Variants in ARIH1 observed in about 807,000 individuals in gnomAD.
ARIH1 encodes the protein ariadne RBR E3 ubiquitin protein ligase 1.
ARIH1 carries 8 observed loss-of-function variants against 85.0 expected under a neutral mutation model. The ratio of observed to expected loss-of-function variants is 0.09; its 90% confidence interval spans 0.06 to 0.17. The LOEUF is 0.17. ARIH1 is among the 10% of genes least tolerant of loss of function. ARIH1 has a pLI of 1.00. For synonymous variants in ARIH1, 238 were observed against 253.6 expected (o/e 0.94, Z 0.59); for missense variants, 311 against 718.1 (o/e 0.43, Z 6.48).
At chr15:72,502,125 C>A (rs1271062635) in intron 1 of ARIH1, among the ~76,000 whole-genome samples, 1 of 151,992 alleles carries the variant, frequency 6.6e-6, no homozygotes. Context: ...TGTAAATATA[C>A]CCTTCCATTA....
At position 72,479,596 on chromosome 15, in the gene ARIH1, A is replaced by G. The variant is rs144983177; in HGVS notation, c.375+4582A>G. 1.7e-3 allele frequency among the ~76,000 whole-genome samples: 255 copies of G among 152,044 alleles called. 1 individual carries two copies. Among genetic ancestry groups the G allele is most frequent in the African/African-American group, 6.0e-3 (248 of 41,468 alleles). On this transcript the variant is annotated intron_variant, in intron 1 of 13. Transcript: ENST00000379887. ...ACTAATTTTTGTATTTTTAGTAGAG[A>G]CTGGGTTTCACCATGTTGGTCAGAT...
chr15:72,588,700 G>A lies in ARIH1; in HGVS notation c.*5408G>A, dbSNP rs2064328349. 1 of 152,180 alleles carries A rather than the reference G, an allele frequency of 6.6e-6. No individual in the cohort carries two copies. Among genetic ancestry groups the A allele is most frequent in the African/African-American group, 2.4e-5 (1 of 41,424 alleles). 9.4% of individuals were successfully genotyped at this position (152,180 alleles called of 1,614,324 possible). A position where few individuals can be genotyped will look rare whatever the true frequency, so the allele number is the denominator to read the frequency against. ...ATGGTGCCTCCCAAGGGTCTGGTGT[G>A]CAGTGCCCAATTTGGTTTTTTGTTG... is the stretch of plus-strand genomic sequence containing the variant. On this transcript the variant is annotated 3_prime_UTR_variant, in exon 14 of 14. Transcript: ENST00000379887.
rs1434010684 is a variant in ARIH1 at position 72,474,509 on chromosome 15, C to T, written c.-131C>T. On this transcript the variant is annotated 5_prime_UTR_variant, in exon 1 of 14. Transcript: ENST00000379887. ...GCCAACCGCCGCTCCTGGGGAGGAG[C>T]CGCGGCTCGCGGGGCCGGAGCCAGG... 3.4e-5 allele frequency: 41 copies of T among 1,223,580 alleles called. No individual in the cohort carries two copies. Among genetic ancestry groups the T allele is most frequent in the Non-Finnish European group, 4.3e-5 (40 of 927,164 alleles). 75.8% of individuals were successfully genotyped at this position (1,223,580 alleles called of 1,614,324 possible).
chr15:72,475,292 T>G, intron 1 of ARIH1: 1 of 497,202 alleles, frequency 2.0e-6, no homozygotes, highest in Non-Finnish European at 3.1e-6. Flanking sequence ...GGGCAATTTC[T>G]GCCAGTCCCT....
chr15:72,490,977 G>A (rs371959875), intron 1 of ARIH1, among the ~76,000 whole-genome samples: 2 of 151,842 alleles, frequency 1.3e-5, no homozygotes, highest in Admixed American at 6.6e-5. Flanking sequence ...TTAGCCCGGT[G>A]TGGTGGTGTG....
intron 2 of ARIH1, among the ~76,000 whole-genome samples, chr15:72,522,686 G>A (rs1476509278): frequency 6.6e-6 from 1 of 151,642 alleles, no homozygotes; most frequent in African/African-American, 2.4e-5. Flanking sequence ...AAAAGATAAA[G>A]ATCTTTGACA....
intron 2 of ARIH1, among the ~76,000 whole-genome samples, chr15:72,530,833 GAATTAAGTATATCCATTAAAAGATGGAA>G (rs2064053371): frequency 1.3e-5 from 2 of 152,124 alleles, no homozygotes; most frequent in African/African-American, 2.4e-5. Flanking sequence ...CAATGATCCA[GAATTAAGTATATCCATTAAAAGATGGAA>G]AATACAGAAG....
intron 1 of ARIH1, among the ~76,000 whole-genome samples, chr15:72,482,000 C>A (rs1244383872): frequency 6.6e-6 from 1 of 152,050 alleles, no homozygotes; most frequent in Admixed American, 6.6e-5. Context: ...CTACGCCCGG[C>A]TAATTTTGTA....
chr15:72,495,387 A>G (rs1186160715), intron 1 of ARIH1, among the ~76,000 whole-genome samples: 1 of 152,162 alleles, frequency 6.6e-6, no homozygotes, highest in African/African-American at 2.4e-5. Context: ...TCACAGAAAA[A>G]AAGTCTAATT....
In ARIH1 at chr15:72,597,989, C is replaced by T. The variant is rs1337431265; in HGVS notation, c.*14697C>T. 1 of 152,308 alleles carries T rather than the reference C, an allele frequency of 6.6e-6. No individual in the cohort carries two copies. The highest frequency in any genetic ancestry group is 1.5e-5 in the Non-Finnish European group (1 of 68,170). The allele number at this position is 152,308 out of a possible 1,614,324, so 9.4% of individuals were successfully genotyped here. A position where few individuals can be genotyped will look rare whatever the true frequency, so the allele number is the denominator to read the frequency against. ...GTTTTTATTTTGAGACAGGGTCTCA[C>T]TCTTACCCAGCCTGGAGTACAGCCT... On this transcript the variant is annotated 3_prime_UTR_variant, in exon 14 of 14. Transcript: ENST00000379887.
Position 72,594,276 on chromosome 15 carries a change from T to G in ARIH1, c.*10984T>G, listed in dbSNP as rs2064354253. 6.6e-6 allele frequency: 1 copy of G among 152,024 alleles called. No individual in the cohort carries two copies. Among genetic ancestry groups the G allele is most frequent in the Non-Finnish European group, 1.5e-5 (1 of 68,084 alleles). 9.4% of individuals were successfully genotyped at this position (152,024 alleles called of 1,614,324 possible). A position where few individuals can be genotyped will look rare whatever the true frequency, so the allele number is the denominator to read the frequency against. ...CCTCCGCCTCCCGGGTTCAAGCAAT[T>G]CTCCTGCCTCAGCCTTTTGAGTAGC... On this transcript the variant is annotated 3_prime_UTR_variant, in exon 14 of 14. Coordinates refer to ENST00000379887, the MANE Select transcript of ARIH1 (RefSeq NM_005744.5).
At chr15:72,539,219 C>T (rs1446143893) in intron 2 of ARIH1, among the ~76,000 whole-genome samples, 2 of 152,082 alleles carry the variant, frequency 1.3e-5, no homozygotes, top group African/African-American at 4.8e-5. Flanking sequence ...ACATAGAAGC[C>T]AGCAAACTGA....
intron 3 of ARIH1, among the ~76,000 whole-genome samples, chr15:72,548,331 G>A (rs576478974): frequency 6.6e-6 from 1 of 152,242 alleles, no homozygotes; most frequent in South Asian, 2.1e-4. Context: ...TCAAGAACTG[G>A]GGGATGGTAA....
At chr15:72,492,178 A>G (rs2063862102) in intron 1 of ARIH1, among the ~76,000 whole-genome samples, 1 of 152,220 alleles carries the variant, frequency 6.6e-6, no homozygotes, top group Non-Finnish European at 1.5e-5. Flanking sequence ...TAAAAACACA[A>G]AGTTTAATAA....
In ARIH1 at chr15:72,480,509, C is replaced by T. The variant is rs538357928; in HGVS notation, c.375+5495C>T. ...CTCCTGACCTCAAATGATCGACCTA[C>T]CTTGGCCTCCCAGAGTGTTGGGATT... On this transcript the variant is annotated intron_variant, in intron 1 of 13. Transcript: ENST00000379887. Among the ~76,000 whole-genome samples the T allele has an allele frequency of 1.2e-3, 178 of 152,104 alleles. 1 individual carries two copies. Among genetic ancestry groups the T allele is most frequent in the African/African-American group, 4.0e-3 (166 of 41,496 alleles).
chr15:72,518,921 G>C (rs1241458894), intron 2 of ARIH1, among the ~76,000 whole-genome samples: 1 of 152,054 alleles, frequency 6.6e-6, no homozygotes, highest in South Asian at 2.1e-4. Context: ...CTGGTTCTCT[G>C]GTTTCAGGGC....
At chr15:72,578,840 A>G (rs1426606451) in intron 11 of ARIH1, among the ~76,000 whole-genome samples, 1 of 130,892 alleles carries the variant, frequency 7.6e-6, no homozygotes, top group Non-Finnish European at 1.6e-5. Context: ...TTTCAGAGGT[A>G]GAGTCTCGTT....
At chr15:72,551,542 T>A (rs2064152956) in intron 3 of ARIH1, among the ~76,000 whole-genome samples, 2 of 152,222 alleles carry the variant, frequency 1.3e-5, no homozygotes, top group African/African-American at 4.8e-5. Context: ...TAAGGTGGAT[T>A]ATTTGATACA....
chr15:72,589,094 A>G lies in ARIH1; in HGVS notation c.*5802A>G, dbSNP rs1175204298. On this transcript the variant is annotated 3_prime_UTR_variant, in exon 14 of 14. Coordinates refer to ENST00000379887, the MANE Select transcript of ARIH1 (RefSeq NM_005744.5). ...AAATGGGAATACTAATAGGAACTGTAATTTGTTGAGTGCTTTTTGCCAGAT... is the reference window on the plus strand; with the variant it reads ...AAATGGGAATACTAATAGGAACTGTGATTTGTTGAGTGCTTTTTGCCAGAT... 6.6e-6 allele frequency: 1 copy of G among 152,164 alleles called. No homozygotes were observed. Among genetic ancestry groups the G allele is most frequent in the Non-Finnish European group, 1.5e-5 (1 of 68,024 alleles). The allele number at this position is 152,164 out of a possible 1,614,324, so 9.4% of individuals were successfully genotyped here.
Sources: gnomAD v4.1 joint callset for allele counts (sites outside exome capture counted in the v4.1 genomes callset) on GRCh38, gnomAD v4.1.1 for gene constraint, MANE v1.5 for transcripts, NCBI Gene and HGNC (gene_info 2026-07-23, HGNC 2026-07-21) for gene names.